The following EPM2A variants were observed in gnomAD, a reference collection of about 807,000 sequenced individuals.
The protein encoded by EPM2A is EPM2A glucan phosphatase, laforin, also known as laforin.
Under a neutral mutation model 26.5 loss-of-function variants are expected in EPM2A, and 21 were observed. That is an observed-to-expected ratio of 0.79 (90% CI 0.56 to 1.14). The LOEUF (loss-of-function observed/expected upper bound fraction) is 1.14, where lower values mean the gene tolerates loss of function less well. Ranked by LOEUF, EPM2A falls within the 50% of genes most tolerant of loss-of-function variation. The probability of loss-of-function intolerance (pLI) is 0.00; values close to 1 mark genes in which losing one functional copy is unlikely to be tolerated. For synonymous variants in EPM2A, 217 were observed against 177.6 expected (o/e 1.22, Z -1.76); for missense variants, 458 against 440.8 (o/e 1.04, Z -0.35).
chr6:145,469,819 C>T (rs1264154633), intron 4 of EPM2A, among the ~76,000 whole-genome samples: 1 of 152,066 alleles, frequency 6.6e-6, no homozygotes, highest in African/African-American at 2.4e-5. Flanking sequence ...TGTTTATACA[C>T]AATGCAGTAC....
At chr6:145,566,166 G>C (rs1330428664) in intron 2 of EPM2A, among the ~76,000 whole-genome samples, 5 of 152,106 alleles carry the variant, frequency 3.3e-5, no homozygotes, top group Non-Finnish European at 7.4e-5. Flanking sequence ...AAATTGGGAG[G>C]CTCAAGTGTT....
At chr6:145,448,165 A>C (rs953941417) in intron 4 of EPM2A, among the ~76,000 whole-genome samples, 6 of 152,140 alleles carry the variant, frequency 3.9e-5, no homozygotes, top group Non-Finnish European at 8.8e-5. Context: ...CACTATTGTG[A>C]TTATTTTCCA....
intron 1 of EPM2A, among the ~76,000 whole-genome samples, chr6:145,691,153 A>G (rs1443457311): frequency 6.6e-6 from 1 of 152,342 alleles, no homozygotes; most frequent in East Asian, 1.9e-4. Flanking sequence ...AAATTCAAGC[A>G]GGTGAGCAAA....
In EPM2A at chr6:145,659,970, C is replaced by A. The variant is rs117945126; in HGVS notation, c.477-24484G>T. On this transcript the variant is annotated intron_variant, in intron 2 of 3. Coordinates refer to ENST00000367519, the MANE Select transcript of EPM2A (RefSeq NM_005670.4). Reference sequence around the variant, plus strand: ...ACCATGTAGCAGAGTCGCTTTGAACCTACCTATTCTGGTTGCAGGCTAGGG... The same window carrying A: ...ACCATGTAGCAGAGTCGCTTTGAACATACCTATTCTGGTTGCAGGCTAGGG... Among the ~76,000 whole-genome samples the A allele has an allele frequency of 4.1e-3, 628 of 152,218 alleles. 18 individuals are homozygous for A. The East Asian group carries it at 0.07, about 17-fold the overall frequency.
chr6:145,464,870 G>C (rs1013177616), intron 4 of EPM2A, among the ~76,000 whole-genome samples: 4 of 152,080 alleles, frequency 2.6e-5, no homozygotes, highest in African/African-American at 7.2e-5. Context: ...GCTTCCCTTT[G>C]AGGGTAACCC....
chr6:145,388,292 A>G (rs1228168999), intron 4 of EPM2A, among the ~76,000 whole-genome samples: 1 of 152,040 alleles, frequency 6.6e-6, no homozygotes, highest in Non-Finnish European at 1.5e-5. Context: ...TTCTTTTAGA[A>G]CGGCCCTCTC....
intron 4 of EPM2A, among the ~76,000 whole-genome samples, chr6:145,447,245 C>T (rs896437434): frequency 6.6e-6 from 1 of 152,148 alleles, no homozygotes; most frequent in Non-Finnish European, 1.5e-5. Flanking sequence ...CCCAGGTACA[C>T]ACTTGGGAAA....
At chr6:145,658,199 G>C (rs1778432269) in intron 2 of EPM2A, among the ~76,000 whole-genome samples, 1 of 152,150 alleles carries the variant, frequency 6.6e-6, no homozygotes, top group Non-Finnish European at 1.5e-5. Flanking sequence ...AATACTGCCT[G>C]CATCTGTCCA....
At chr6:145,467,410 T>A (rs1046016000) in intron 4 of EPM2A, among the ~76,000 whole-genome samples, 8 of 152,266 alleles carry the variant, frequency 5.3e-5, no homozygotes, top group Non-Finnish European at 8.8e-5. Context: ...TTTTCCTATG[T>A]AGCTGGATCT....
chr6:145,615,403 C>A (rs1463736107), intron 2 of EPM2A, among the ~76,000 whole-genome samples: 1 of 152,112 alleles, frequency 6.6e-6, no homozygotes, highest in Admixed American at 6.5e-5. Context: ...TCCATTAAAA[C>A]CCTTTTTCCT....
At chr6:145,429,994 C>T (rs1343730956) in intron 4 of EPM2A, among the ~76,000 whole-genome samples, 2 of 152,038 alleles carry the variant, frequency 1.3e-5, no homozygotes, top group Non-Finnish European at 2.9e-5. Context: ...GTCAGGAGTT[C>T]GAGACCAGCC....
At chr6:145,449,413 A>G (rs1779168591) in intron 4 of EPM2A, among the ~76,000 whole-genome samples, 1 of 152,228 alleles carries the variant, frequency 6.6e-6, no homozygotes, top group South Asian at 2.1e-4. Context: ...AGTTATTTAT[A>G]AAGTTGACAG....
At chr6:145,511,992 G>A (rs1045185097) in intron 2 of EPM2A, among the ~76,000 whole-genome samples, 1 of 152,054 alleles carries the variant, frequency 6.6e-6, no homozygotes, top group Non-Finnish European at 1.5e-5. Context: ...GCCAAATCAA[G>A]AACATAATGC....
intron 4 of EPM2A, among the ~76,000 whole-genome samples, chr6:145,475,448 C>T (rs1779530331): frequency 2.0e-5 from 3 of 152,052 alleles, no homozygotes; most frequent in Admixed American, 1.3e-4. Flanking sequence ...CAACATCACA[C>T]ACTGGGGCCT....
At chr6:145,661,495 T>G (rs988822185) in intron 2 of EPM2A, among the ~76,000 whole-genome samples, 10 of 152,224 alleles carry the variant, frequency 6.6e-5, no homozygotes, top group African/African-American at 2.4e-4. Context: ...CCTTTGTGAT[T>G]AAAAACAAAC....
chr6:145,649,423 CT>C (rs1373067065), intron 2 of EPM2A, among the ~76,000 whole-genome samples: 1 of 152,194 alleles, frequency 6.6e-6, no homozygotes, highest in African/African-American at 2.4e-5. Flanking sequence ...GCATTAGTTA[CT>C]AACCTATTAT....
intron 4 of EPM2A, among the ~76,000 whole-genome samples, chr6:145,478,634 C>T (rs1779570135): frequency 6.6e-6 from 1 of 151,730 alleles, no homozygotes; most frequent in Non-Finnish European, 1.5e-5. Flanking sequence ...TGTTTCTCTT[C>T]TAACATAAGC....
At chr6:145,390,130 CA>C (rs1386036493) in intron 4 of EPM2A, among the ~76,000 whole-genome samples, 1 of 152,098 alleles carries the variant, frequency 6.6e-6, no homozygotes, top group Non-Finnish European at 1.5e-5. Context: ...AATCTGTAGA[CA>C]GAACAACTGA....
intron 4 of EPM2A, among the ~76,000 whole-genome samples, chr6:145,491,582 T>C (rs1270624675): frequency 6.6e-6 from 1 of 152,114 alleles, no homozygotes; most frequent in Non-Finnish European, 1.5e-5. Flanking sequence ...AGGCACAGGA[T>C]AGGGGGCAGG....
Sources: gnomAD v4.1 joint callset for allele counts (sites outside exome capture counted in the v4.1 genomes callset) on GRCh38, gnomAD v4.1.1 for gene constraint, MANE v1.5 for transcripts, NCBI Gene and HGNC (gene_info 2026-07-23, HGNC 2026-07-21) for gene names.